Variants in PXDNL observed in about 807,000 individuals in gnomAD.
PXDNL encodes the protein probable oxidoreductase PXDNL.
PXDNL carries 145 observed loss-of-function variants against 150.8 expected under a neutral mutation model. The observed-to-expected ratio is 0.96, with a 90% confidence interval of 0.84 to 1.10. The LOEUF (loss-of-function observed/expected upper bound fraction) is 1.10, where lower values mean the gene tolerates loss of function less well. Ranked by LOEUF, PXDNL falls within the 50% of genes least tolerant of loss-of-function variation. The pLI, the probability that PXDNL is intolerant of heterozygous loss-of-function variation, is 0.00. For synonymous variants in PXDNL, 757 were observed against 725.7 expected (o/e 1.04, Z -0.69); for missense variants, 2,087 against 1,873.9 (o/e 1.11, Z -2.10).
At chr8:51,779,924 A>G (rs1476283775) in intron 1 of PXDNL, among the ~76,000 whole-genome samples, 2 of 152,154 alleles carry the variant, frequency 1.3e-5, no homozygotes, top group Non-Finnish European at 2.9e-5. Flanking sequence ...AGAAACGCAG[A>G]GCCTCAGCCT....
At chr8:51,496,979 C>T (rs1002828229) in intron 5 of PXDNL, among the ~76,000 whole-genome samples, 3 of 152,162 alleles carry the variant, frequency 2.0e-5, no homozygotes, top group Non-Finnish European at 4.4e-5. Context: ...ATTGCCAAGT[C>T]AATCCTAAGC....
chr8:51,651,882 G>A (rs574416807), intron 2 of PXDNL, among the ~76,000 whole-genome samples: 52 of 152,272 alleles, frequency 3.4e-4, no homozygotes, highest in African/African-American at 1.0e-3. Context: ...GTGCTGCAGC[G>A]GGTGAAATTC....
rs200037556 is a variant in PXDNL, at chr8:51,709,255, T to G, written c.165-54495A>C. 6.8e-5 allele frequency among the ~76,000 whole-genome samples: 9 copies of G among 132,410 alleles called. No homozygotes were observed. In the South Asian group the frequency reaches 2.0e-3, roughly 30 times the overall value. 86.9% of individuals were successfully genotyped at this position (132,410 alleles called of 152,430 possible). A position where few individuals can be genotyped will look rare whatever the true frequency, so the allele number is the denominator to read the frequency against. On this transcript the variant is annotated intron_variant, in intron 1 of 22. Transcript: ENST00000356297. ...TGAACATCTTTTGACCCCAAATCCCTTTTTTTTTTTTCTTTTTGAGACGGA... is the reference window on the plus strand; with the variant it reads ...TGAACATCTTTTGACCCCAAATCCCGTTTTTTTTTTTCTTTTTGAGACGGA...
chr8:51,322,257 AG>A (rs1805345055), intron 21 of PXDNL, among the ~76,000 whole-genome samples: 1 of 152,208 alleles, frequency 6.6e-6, no homozygotes, highest in African/African-American at 2.4e-5. Flanking sequence ...TATGGAAAAA[AG>A]CATTTGAGCT....
intron 1 of PXDNL, among the ~76,000 whole-genome samples, chr8:51,665,161 C>A (rs980227552): frequency 2.6e-5 from 4 of 152,174 alleles, no homozygotes; most frequent in African/African-American, 9.7e-5. Flanking sequence ...TCCCTGACAA[C>A]TGTGCTCTGG....
Position 51,798,714 on chromosome 8 carries a change from AC to A in PXDNL, c.164+10466del, listed in dbSNP as rs1379259905. Among the ~76,000 whole-genome samples the A allele has an allele frequency of 2.0e-5, 3 of 152,290 alleles. No individual in the cohort carries two copies. In the East Asian group the frequency reaches 5.8e-4, roughly 29 times the overall value. ...CTGGCAAGGCTGTGGAGAAACAGGA[AC>A]CTTTTTACACTGTTGGTGGGAATGT... On this transcript the variant is annotated intron_variant, in intron 1 of 22. Transcript: ENST00000356297.
At chr8:51,527,061 A>G (rs1811784657) in intron 4 of PXDNL, among the ~76,000 whole-genome samples, 3 of 152,082 alleles carry the variant, frequency 2.0e-5, no homozygotes, top group African/African-American at 7.2e-5. Context: ...AAGGGTCTTC[A>G]ATTTGACTCA....
At chr8:51,554,585 C>A (rs1585575862) in intron 4 of PXDNL, among the ~76,000 whole-genome samples, 1 of 152,192 alleles carries the variant, frequency 6.6e-6, no homozygotes, top group African/African-American at 2.4e-5. Flanking sequence ...AGAAGCTGTG[C>A]AGCTCCTTCA....
intron 1 of PXDNL, among the ~76,000 whole-genome samples, chr8:51,698,668 C>T (rs1434933670): frequency 6.6e-6 from 1 of 152,196 alleles, no homozygotes; most frequent in Non-Finnish European, 1.5e-5. Context: ...TTAACATTAT[C>T]TAAAATGGTA....
chr8:51,790,810 G>A (rs2037505215), intron 1 of PXDNL, among the ~76,000 whole-genome samples: 1 of 149,700 alleles, frequency 6.7e-6, no homozygotes, highest in African/African-American at 2.4e-5. Flanking sequence ...GTGTGTGTGT[G>A]TGTGAGTGTT....
chr8:51,331,423 GAGA>G lies in PXDNL; in HGVS notation c.4146+8198_4146+8200del, dbSNP rs1259617870. Among the ~76,000 whole-genome samples, 3 of 152,308 alleles carry G rather than the reference GAGA, an allele frequency of 2.0e-5. No homozygotes were observed. In the South Asian group the frequency reaches 6.2e-4, roughly 32 times the overall value. ...GAGCAGGGGATAAAACCGCACTGGA[GAGA>G]AGGACTTCCTTAGCTGAACTTTGTA... is the stretch of plus-strand genomic sequence containing the variant. On this transcript the variant is annotated intron_variant, in intron 21 of 22. Coordinates refer to ENST00000356297, the MANE Select transcript of PXDNL (RefSeq NM_144651.5).
At chr8:51,754,885 A>G (rs549388457) in intron 1 of PXDNL, among the ~76,000 whole-genome samples, 1 of 151,992 alleles carries the variant, frequency 6.6e-6, no homozygotes, top group Non-Finnish European at 1.5e-5. Context: ...TTCATTCAGC[A>G]TTAAAAAAAA....
intron 2 of PXDNL, among the ~76,000 whole-genome samples, chr8:51,641,051 C>T (rs1563492392): frequency 6.6e-6 from 1 of 152,054 alleles, no homozygotes; most frequent in South Asian, 2.1e-4. Context: ...AATAACGCCA[C>T]ATATCTACAA....
intron 4 of PXDNL, among the ~76,000 whole-genome samples, chr8:51,533,897 C>T (rs999225473): frequency 7.3e-5 from 11 of 150,940 alleles, no homozygotes; most frequent in Non-Finnish European, 1.0e-4. Context: ...AGCCTCTGCC[C>T]AGCCGCCACC....
rs367941666 is a variant in PXDNL at position 51,434,420 on chromosome 8, C to T, written c.1526-7662G>A. On this transcript the variant is annotated intron_variant, in intron 12 of 22. Transcript: ENST00000356297. ...TATGCCTTGTTGCTTCTTCATCACA[C>T]TTAACACTCTCTGGAATACACGATA... is the stretch of plus-strand genomic sequence containing the variant. Among the ~76,000 whole-genome samples, 5 of 152,312 alleles carry T rather than the reference C, an allele frequency of 3.3e-5. No homozygotes were observed. In the East Asian group the frequency reaches 9.7e-4, roughly 29 times the overall value.
At chr8:51,334,879 C>A (rs1805792715) in intron 21 of PXDNL, among the ~76,000 whole-genome samples, 1 of 152,190 alleles carries the variant, frequency 6.6e-6, no homozygotes, top group South Asian at 2.1e-4. Context: ...ATTGTTTTGA[C>A]AATTTTGATT....
chr8:51,411,512 G>A (rs1263596858), intron 15 of PXDNL, 105 bp from the exon 16 acceptor site: 2 of 1,046,570 alleles, frequency 1.9e-6, no homozygotes, highest in Non-Finnish European at 2.6e-6. Context: ...CATTCGAGAA[G>A]AATGAAAGCT....
chr8:51,485,183 G>A (rs946650030), intron 5 of PXDNL, among the ~76,000 whole-genome samples: 1 of 152,060 alleles, frequency 6.6e-6, no homozygotes, highest in African/African-American at 2.4e-5. Context: ...GAGTGAGCTG[G>A]GGCCAAACTA....
chr8:51,612,570 G>A (rs979869730), intron 2 of PXDNL, among the ~76,000 whole-genome samples: 2 of 152,136 alleles, frequency 1.3e-5, no homozygotes, highest in African/African-American at 4.8e-5. Flanking sequence ...TAAGGTGATG[G>A]TATTGGGAAG....
Sources: allele counts gnomAD v4.1 joint callset (sites outside exome capture counted in the v4.1 genomes callset), GRCh38; gene constraint gnomAD v4.1.1; transcripts MANE v1.5; gene names NCBI Gene and HGNC (gene_info 2026-07-23, HGNC 2026-07-21).